The following METTL25 variants were observed in gnomAD, a reference collection of about 807,000 sequenced individuals.
The protein encoded by METTL25 is methyltransferase like 25, also known as probable methyltransferase-like protein 25.
METTL25 carries 64 observed loss-of-function variants against 71.6 expected under a neutral mutation model. The observed-to-expected ratio is 0.89, with a 90% confidence interval of 0.73 to 1.10. The LOEUF (loss-of-function observed/expected upper bound fraction) is 1.10, where lower values mean the gene tolerates loss of function less well. Ranked by LOEUF, METTL25 falls within the 50% of genes least tolerant of loss-of-function variation. The pLI, the probability that METTL25 is intolerant of heterozygous loss-of-function variation, is 0.00. For missense variants in METTL25, 807 were observed against 707.0 expected (o/e 1.14, Z -1.60); for synonymous variants, 287 against 250.3 (o/e 1.15, Z -1.38).
chr12:82,436,655 A>G (rs979373875), intron 7 of METTL25, among the ~76,000 whole-genome samples: 1 of 151,402 alleles, frequency 6.6e-6, no homozygotes, highest in Non-Finnish European at 1.5e-5. Flanking sequence ...TCATTTTTTT[A>G]TGTTATCTTG....
intron 1 of METTL25, among the ~76,000 whole-genome samples, chr12:82,375,379 A>G (rs910468721): frequency 6.6e-6 from 1 of 152,102 alleles, no homozygotes; most frequent in Non-Finnish European, 1.5e-5. Context: ...GCAACCCTCA[A>G]TCTGTACCAA....
At chr12:82,392,154 T>C (rs761492084) in intron 3 of METTL25, among the ~76,000 whole-genome samples, 82 of 150,962 alleles carry the variant, frequency 5.4e-4, no homozygotes, top group Admixed American at 1.6e-3. Context: ...GTGCAGAATG[T>C]GCAGGTTAGT....
At position 82,389,926 on chromosome 12, in the gene METTL25, A is replaced by G; in HGVS notation, c.531+4A>G. On this transcript the variant is annotated splice_donor_region_variant and intron_variant, in intron 3 of 11. Transcript: ENST00000248306. ...TGACTACTATGGAATAAAGCAGGTA[A>G]GAGTATTTCCGTATGTTTTTAGGTG... 6.8e-7 allele frequency: 1 copy of G among 1,479,964 alleles called. No homozygotes were observed. The highest frequency in any genetic ancestry group is 1.2e-5 in the South Asian group (1 of 85,664). The allele number at this position is 1,479,964 out of a possible 1,614,324, so 91.7% of individuals were successfully genotyped here. A position where few individuals can be genotyped will look rare whatever the true frequency, so the allele number is the denominator to read the frequency against.
At chr12:82,387,109 A>G (rs1885112794) in intron 2 of METTL25, 142 bp downstream of exon 2, 1 of 678,606 alleles carries the variant, frequency 1.5e-6, no homozygotes, top group Non-Finnish European at 2.3e-6. Context: ...ACTATTGTTT[A>G]GAAGTGTAGG....
At chr12:82,426,301 A>G (rs1243534858) in intron 5 of METTL25, among the ~76,000 whole-genome samples, 1 of 152,082 alleles carries the variant, frequency 6.6e-6, no homozygotes, top group African/African-American at 2.4e-5. Flanking sequence ...TCAGCCGCAA[A>G]GGAAACTGTT....
intron 9 of METTL25, chr12:82,468,910 G>A (rs1158983723): frequency 1.3e-5 from 2 of 152,052 alleles, no homozygotes; most frequent in African/African-American, 4.8e-5. Flanking sequence ...CCCCTGCAGA[G>A]CCATGAACCA....
intron 8 of METTL25, chr12:82,439,063 A>G: frequency 4.3e-6 from 1 of 229,886 alleles, no homozygotes; most frequent in East Asian, 8.3e-5. Flanking sequence ...GTATTAAAAT[A>G]TTAAATAGTT....
chr12:82,390,852 C>A (rs566610465), intron 3 of METTL25, among the ~76,000 whole-genome samples: 8 of 152,094 alleles, frequency 5.3e-5, no homozygotes, highest in Non-Finnish European at 1.2e-4. Context: ...AAGCCCTCCC[C>A]CATGGTGCCA....
chr12:82,444,249 T>C (rs986082305), intron 8 of METTL25, among the ~76,000 whole-genome samples: 2 of 152,066 alleles, frequency 1.3e-5, no homozygotes, highest in African/African-American at 4.8e-5. Context: ...CAGGAGGAAG[T>C]GGGAGGACAT....
In METTL25 at chr12:82,403,249, A is replaced by T. The variant is rs539587733; in HGVS notation, c.1279+119A>T. On this transcript the variant is annotated intron_variant, in intron 5 of 11. Coordinates refer to ENST00000248306, the MANE Select transcript of METTL25 (RefSeq NM_032230.3). ...ACCATGATTTGGATCAGCATTTAAG[A>T]TAACATCTGACTTACTTGCACTTTT... 1.5e-4 allele frequency: 143 copies of T among 936,120 alleles called. 2 individuals are homozygous for T. The South Asian group carries it at 2.5e-3, about 16-fold the overall frequency. 58.0% of individuals were successfully genotyped at this position (936,120 alleles called of 1,614,324 possible).
intron 5 of METTL25, among the ~76,000 whole-genome samples, chr12:82,416,133 C>G (rs1385529397): frequency 6.6e-6 from 1 of 152,058 alleles, no homozygotes; most frequent in African/African-American, 2.4e-5. Flanking sequence ...TAGTTAATTG[C>G]CATGAACATA....
At chr12:82,475,929 T>C (rs762611853) in intron 9 of METTL25, among the ~76,000 whole-genome samples, 8 of 152,126 alleles carry the variant, frequency 5.3e-5, no homozygotes, top group Non-Finnish European at 1.0e-4. Flanking sequence ...TTGAATGTCA[T>C]GTTGGCACTC....
chr12:82,439,588 G>A (rs369800826), intron 8 of METTL25, among the ~76,000 whole-genome samples: 7 of 151,510 alleles, frequency 4.6e-5, no homozygotes, highest in Non-Finnish European at 7.4e-5. Flanking sequence ...CACTTTTTAC[G>A]GATAGAAGTT....
At chr12:82,468,122 A>G (rs944340326) in intron 9 of METTL25, among the ~76,000 whole-genome samples, 7 of 152,074 alleles carry the variant, frequency 4.6e-5, no homozygotes, top group Admixed American at 2.6e-4. Flanking sequence ...TAGTGTGTCA[A>G]CTAAAATTAA....
At chr12:82,439,536 G>A (rs1890170683) in intron 8 of METTL25, among the ~76,000 whole-genome samples, 1 of 151,700 alleles carries the variant, frequency 6.6e-6, no homozygotes, top group South Asian at 2.1e-4. Context: ...ATATAAAAGG[G>A]ATTTTTAGAT....
intron 5 of METTL25, among the ~76,000 whole-genome samples, chr12:82,407,530 CTA>C (rs886889294): frequency 7.9e-5 from 12 of 152,184 alleles, no homozygotes; most frequent in African/African-American, 2.6e-4. Flanking sequence ...GCAAACAATG[CTA>C]GGCTTCAGTG....
intron 1 of METTL25, among the ~76,000 whole-genome samples, chr12:82,381,699 TCGG>T (rs1018533149): frequency 3.3e-5 from 5 of 152,370 alleles, no homozygotes; most frequent in Admixed American, 2.0e-4. Context: ...ACTTTAGCTT[TCGG>T]TTAAGCTGTA....
chr12:82,377,027 C>T (rs915926562), intron 1 of METTL25, among the ~76,000 whole-genome samples: 1 of 151,964 alleles, frequency 6.6e-6, no homozygotes, highest in African/African-American at 2.4e-5. Context: ...TCAGGAGACT[C>T]TCTTGAACCC....
At position 82,428,293 on chromosome 12, in the gene METTL25, G is replaced by C. The variant is rs140851762; in HGVS notation, c.1280-2600G>C. Among the ~76,000 whole-genome samples, 389 of 151,930 alleles carry C rather than the reference G, an allele frequency of 2.6e-3. 2 individuals carry two copies. Among genetic ancestry groups the C allele is most frequent in the African/African-American group, 8.8e-3 (367 of 41,514 alleles). On this transcript the variant is annotated intron_variant, in intron 5 of 11. Transcript: ENST00000248306. ...GTCTCAGCAGTTGAGTTCTCTGTTA[G>C]TACTAGGAATAAGGAGAGAACGGAT...
Sources: gnomAD v4.1 joint callset for allele counts (sites outside exome capture counted in the v4.1 genomes callset) on GRCh38, gnomAD v4.1.1 for gene constraint, MANE v1.5 for transcripts, NCBI Gene and HGNC (gene_info 2026-07-23, HGNC 2026-07-21) for gene names.